The following MPND variants were observed in gnomAD, a reference collection of about 807,000 sequenced individuals.
MPND encodes the protein MPN domain containing.
Under a neutral mutation model 59.2 loss-of-function variants are expected in MPND, and 56 were observed. The ratio of observed to expected loss-of-function variants is 0.95; its 90% confidence interval spans 0.76 to 1.18. The LOEUF (loss-of-function observed/expected upper bound fraction) is 1.18. Among genes scored for constraint, MPND ranks in the 50% most tolerant of loss-of-function variants. MPND has a pLI of 0.00. For synonymous variants in MPND, 323 were observed against 291.9 expected, an observed-to-expected ratio of 1.11 and a Z score of -1.09; for missense variants, 671 against 676.0, an observed-to-expected ratio of 0.99 and a Z score of 0.08.
chr19:4,344,025 G>T, intron 2 of MPND, 31 bp downstream of exon 2: 1 of 1,280,160 alleles, frequency 7.8e-7, no homozygotes, highest in Non-Finnish European at 9.9e-7. Flanking sequence ...GTCCCATCGC[G>T]GCTCGGGCAG....
intron 3 of MPND, among the ~76,000 whole-genome samples, chr19:4,350,009 C>A (rs72986787): frequency 0.27 from 41,305 of 151,452 alleles, 6,815 homozygotes; most frequent in Non-Finnish European, 0.38. Context: ...GTTTTAGGCA[C>A]TGAATATAAA....
At position 4,352,981 on chromosome 19, in the gene MPND, A is replaced by G. The variant is rs1347895561; in HGVS notation, c.616A>G (p.Lys206Glu). Reference protein sequence around the residue: ...DVLAGVSAEDKSRRPLGKSPS... With the variant: ...DVLAGVSAEDESRRPLGKSPS... ...TCTGGCAGGGGTCTCAGCAGAGGAC[A>G]AGAGTCGGAGACCACTGGGGAAGAG... Residue 206 changes from lysine (K) to glutamate (E), a missense_variant, in exon 4 of 13, where the codon AAG becomes GAG. Transcript: ENST00000599840. The G allele has an allele frequency of 7.3e-7, 1 of 1,378,620 alleles. No individual in the cohort carries two copies. The highest frequency in any genetic ancestry group is 9.5e-7 in the Non-Finnish European group (1 of 1,057,624). The allele number at this position is 1,378,620 out of a possible 1,614,324, so 85.4% of individuals were successfully genotyped here.
intron 3 of MPND, among the ~76,000 whole-genome samples, chr19:4,347,532 C>T (rs1160526874): frequency 7.2e-5 from 11 of 152,138 alleles, no homozygotes; most frequent in Non-Finnish European, 1.6e-4. Flanking sequence ...AGCCACCGCG[C>T]CCAGCTGCCT....
rs544724761 is a variant in MPND at position 4,357,406 on chromosome 19, C to T, written c.1150C>T (p.Leu384Phe). The change falls in exon 9 of 13, where the codon CTC becomes TTC. Residue 384 changes from leucine (L) to phenylalanine (F), a missense_variant. Coordinates refer to ENST00000599840, the MANE Select transcript of MPND (RefSeq NM_001300862.2). ...CTCCAGCAATGGCTTCCAGCCCTGC[C>T]TCGCCCTGCTCTGCTGTACGCGGGA... Reference protein sequence around the residue: ...QGSSNGFQPCLALLCSPYYSG... With the variant: ...QGSSNGFQPCFALLCSPYYSG... 21 of 1,612,510 alleles carry T rather than the reference C, an allele frequency of 1.3e-5. No individual in the cohort carries two copies. The highest frequency in any genetic ancestry group is 1.8e-5 in the Non-Finnish European group (21 of 1,179,704).
At chr19:4,357,616 G>T (rs948231684) in intron 10 of MPND, 31 bp downstream of exon 10, 1 of 1,585,346 alleles carries the variant, frequency 6.3e-7, no homozygotes, top group Non-Finnish European at 8.6e-7. Flanking sequence ...AGCCTGGGGG[G>T]CCCGGGAGCA....
intron 3 of MPND, among the ~76,000 whole-genome samples, chr19:4,352,195 G>A (rs1180115964): frequency 6.6e-6 from 1 of 151,676 alleles, no homozygotes; most frequent in African/African-American, 2.4e-5. Context: ...AAAGATAAAA[G>A]AATAGATAGA....
intron 3 of MPND, 147 bp downstream of exon 3, chr19:4,346,128 C>T (rs1380993688): frequency 2.9e-6 from 2 of 698,478 alleles, no homozygotes; most frequent in Non-Finnish European, 4.8e-6. Context: ...CTCCTCCATC[C>T]CTCCAGGGCT....
Position 4,354,404 on chromosome 19 carries a change from A to G in MPND, c.830A>G (p.Asn277Ser). ...CCGTTCAACGTGGCTGTTTCTAGCA[A>G]CGTGCTGTTCCTGCTGGTGTGTGGC... ...FQPFNVAVSS[N>S]VLFLLDFHSH... The change falls in exon 6 of 13, where the codon AAC (asparagine) becomes AGC (serine). Residue 277 changes from asparagine (N) to serine (S), a missense_variant. Physicochemically the swap from Asn to Ser is conservative, Grantham distance 46. Transcript: ENST00000599840. 6.4e-7 allele frequency: 1 copy of G among 1,557,852 alleles called. No homozygotes were observed. The highest frequency in any genetic ancestry group is 1.2e-5 in the South Asian group (1 of 84,538).
At position 4,351,584 on chromosome 19, in the gene MPND, C is replaced by T. The variant is rs190462781; in HGVS notation, c.532-1313C>T. 3.6e-3 allele frequency among the ~76,000 whole-genome samples: 542 copies of T among 151,572 alleles called. 1 individual carries two copies. Among genetic ancestry groups the T allele is most frequent in the African/African-American group, 0.012 (514 of 41,348 alleles). On this transcript the variant is annotated intron_variant, in intron 3 of 12. Transcript: ENST00000599840. ...TACAGATAAGAATAGACTTGGCGGCCGGGCACGGTGGCTCACGCCTTTAAT... is the reference window on the plus strand; with the variant it reads ...TACAGATAAGAATAGACTTGGCGGCTGGGCACGGTGGCTCACGCCTTTAAT...
At chr19:4,349,584 C>T (rs1599569365) in intron 3 of MPND, among the ~76,000 whole-genome samples, 1 of 151,886 alleles carries the variant, frequency 6.6e-6, no homozygotes, top group Non-Finnish European at 1.5e-5. Flanking sequence ...GATCTTGGCT[C>T]ACTGCAACCT....
At position 4,345,900 on chromosome 19, in the gene MPND, C is replaced by G; in HGVS notation, c.450C>G (p.Tyr150Ter). The G allele has an allele frequency of 6.2e-7, 1 of 1,613,944 alleles. No individual in the cohort carries two copies. Among genetic ancestry groups the G allele is most frequent in the East Asian group, 2.2e-5 (1 of 44,882 alleles). The change falls in exon 3 of 13, where the codon TAC (tyrosine) becomes TAG (stop). Residue 150 changes from tyrosine to a stop codon, truncating the protein, a stop_gained. Coordinates refer to ENST00000599840, the MANE Select transcript of MPND (RefSeq NM_001300862.2). LOFTEE classifies it high-confidence loss of function. ...KSGCGWASVK[Y>*]KGQKLDKYKA... is the part of the protein sequence containing the mutation. ...GCTGTGGCTGGGCCTCTGTCAAGTA[C>G]AAAGGCCAGAAACTGGACAAGTACA...
In MPND at chr19:4,359,960, C is replaced by T. The variant is rs754314279; in HGVS notation, c.1464C>T (p.His488=). The part of the protein sequence containing the change: ...SRTPKDQSLC[H]VLEQVCGVLK... ...CGCCCAAGGACCAGAGCCTGTGTCACGTCCTGGAACAGGTGTGCGGCGTCC... is the reference window on the plus strand; with the variant it reads ...CGCCCAAGGACCAGAGCCTGTGTCATGTCCTGGAACAGGTGTGCGGCGTCC... Residue 488 remains histidine (H), a synonymous_variant, in exon 13 of 13, where the codon CAC becomes CAT. Transcript: ENST00000599840. 19 of 1,575,092 alleles carry T rather than the reference C, an allele frequency of 1.2e-5. No homozygotes were observed. The East Asian group carries it at 1.7e-4, about 14-fold the overall frequency.
chr19:4,345,160 C>T (rs1972158675), intron 2 of MPND, among the ~76,000 whole-genome samples: 1 of 150,298 alleles, frequency 6.7e-6, no homozygotes, highest in Non-Finnish European at 1.5e-5. Flanking sequence ...AATTCTCCTG[C>T]CTTAGCCTCT....
chr19:4,350,317 G>C (rs1972288105), intron 3 of MPND, among the ~76,000 whole-genome samples: 1 of 152,108 alleles, frequency 6.6e-6, no homozygotes, highest in Admixed American at 6.6e-5. Flanking sequence ...GCAGGGCTCT[G>C]TAGGTTATGG....
rs1022934258 is a variant in MPND, at chr19:4,345,802, G to A, written c.352G>A (p.Gly118Arg). 3.1e-6 allele frequency: 5 copies of A among 1,613,956 alleles called. No homozygotes were observed. Among genetic ancestry groups the A allele is most frequent in the East Asian group, 2.2e-5 (1 of 44,888 alleles). The change falls in exon 3 of 13, where the codon GGG becomes AGG. Residue 118 changes from glycine to arginine, a missense_variant. By Grantham distance (125) the Gly-to-Arg change is moderately radical (BLOSUM62 -2). Coordinates refer to ENST00000599840, the MANE Select transcript of MPND (RefSeq NM_001300862.2). ...CGGAAGGATCATGTGGCAGGAGACCGGGCAGACCTTCAACTCACCCAGCGC... is the reference window on the plus strand; with the variant it reads ...CGGAAGGATCATGTGGCAGGAGACCAGGCAGACCTTCAACTCACCCAGCGC... ...PDGRIMWQETGQTFNSPSAWA... is the reference protein window; with the variant it reads ...PDGRIMWQETRQTFNSPSAWA...
At position 4,347,069 on chromosome 19, in the gene MPND, G is replaced by A. The variant is rs540575432; in HGVS notation, c.531+1088G>A. ...AAACCCCAAAATGGAGATGGTACCAGTGCCCATGTGTGGAATCTGTAGGGC... is the reference window on the plus strand; with the variant it reads ...AAACCCCAAAATGGAGATGGTACCAATGCCCATGTGTGGAATCTGTAGGGC... On this transcript the variant is annotated intron_variant, in intron 3 of 12. Transcript: ENST00000599840. Among the ~76,000 whole-genome samples, 384 of 152,076 alleles carry A rather than the reference G, an allele frequency of 2.5e-3. 1 individual carries two copies. The highest frequency in any genetic ancestry group is 8.7e-3 in the African/African-American group (359 of 41,482).
Position 4,343,566 on chromosome 19 carries a change from A to G in MPND, c.-28A>G. On this transcript the variant is annotated 5_prime_UTR_variant, in exon 1 of 13. Coordinates refer to ENST00000599840, the MANE Select transcript of MPND (RefSeq NM_001300862.2). The stretch of plus-strand genomic sequence containing the variant: ...GTGACGTGCCGGGAAGCCGGAGTCT[A>G]GAGCTCCGGGCGCGGGGAGGCGCGG... 8.2e-7 allele frequency: 1 copy of G among 1,221,270 alleles called. No homozygotes were observed. The highest frequency in any genetic ancestry group is 1.0e-6 in the Non-Finnish European group (1 of 981,214). The allele number at this position is 1,221,270 out of a possible 1,614,324, so 75.7% of individuals were successfully genotyped here.
chr19:4,345,947 A>T lies in MPND; in HGVS notation c.497A>T (p.His166Leu), dbSNP rs1488053796. The T allele has an allele frequency of 2.5e-6, 4 of 1,612,694 alleles. No individual in the cohort carries two copies. The East Asian group carries it at 8.9e-5, about 36-fold the overall frequency. ...TACAAGGCCACCTGGCTCCGGCTGC[A>T]CCAGCTGCACACGCCTGCCACGGCT... ...DKYKATWLRL[H>L]QLHTPATAAD... The change falls in exon 3 of 13, where the codon CAC becomes CTC. Residue 166 changes from histidine (H) to leucine (L), a missense_variant. Coordinates refer to ENST00000599840, the MANE Select transcript of MPND (RefSeq NM_001300862.2).
chr19:4,352,826 G>T, intron 3 of MPND, 71 bp from the exon 4 acceptor site: 2 of 1,287,684 alleles, frequency 1.6e-6, no homozygotes, highest in Non-Finnish European at 2.0e-6. Context: ...GGCTGGGGTG[G>T]GATTTAGCAG....
Sources: allele counts gnomAD v4.1 joint callset (sites outside exome capture counted in the v4.1 genomes callset), GRCh38; gene constraint gnomAD v4.1.1; transcripts MANE v1.5; gene names NCBI Gene and HGNC (gene_info 2026-07-23, HGNC 2026-07-21).